The following CRYBG3 variants were observed in gnomAD, a reference collection of about 807,000 sequenced individuals.
CRYBG3 encodes very large A-kinase anchor protein.
A neutral mutation model predicts 244.2 loss-of-function variants in CRYBG3; 127 were observed. That is an observed-to-expected ratio of 0.52 (90% CI 0.45 to 0.60). The LOEUF is 0.60. Among genes scored for constraint, CRYBG3 ranks in the 20% least tolerant of loss-of-function variants. The probability of loss-of-function intolerance (pLI) is 0.00; values close to 1 mark genes in which losing one functional copy is unlikely to be tolerated. For missense variants in CRYBG3, 3,325 were observed against 3,442.5 expected, an observed-to-expected ratio of 0.97 and a Z score of 0.85; for synonymous variants, 1,132 against 1,195.8, an observed-to-expected ratio of 0.95 and a Z score of 1.10.
intron 1 of CRYBG3, among the ~76,000 whole-genome samples, chr3:97,836,070 A>ATT (rs754615733): frequency 7.5e-4 from 114 of 152,014 alleles, no homozygotes; most frequent in Non-Finnish European, 1.5e-3. Context: ...TATGGGTCTT[A>ATT]TTTTGGGGGC....
chr3:97,824,279 T>A (rs1226721162), intron 1 of CRYBG3, among the ~76,000 whole-genome samples: 1 of 152,214 alleles, frequency 6.6e-6, no homozygotes, highest in Non-Finnish European at 1.5e-5. Flanking sequence ...GTCACTGTGA[T>A]CTTATTTCAA....
chr3:97,897,342 T>C (rs1019732572), intron 12 of CRYBG3, among the ~76,000 whole-genome samples: 3 of 152,078 alleles, frequency 2.0e-5, no homozygotes, highest in Non-Finnish European at 4.4e-5. Flanking sequence ...TTAAGACTTA[T>C]CTTTGGGCCT....
intron 17 of CRYBG3, among the ~76,000 whole-genome samples, chr3:97,930,221 G>T (rs2040083129): frequency 6.6e-6 from 1 of 151,996 alleles, no homozygotes; most frequent in South Asian, 2.1e-4. Context: ...GCTGCTGATT[G>T]TTGACTTGGA....
chr3:97,846,725 A>T (rs772094799), intron 2 of CRYBG3, among the ~76,000 whole-genome samples: 11 of 152,160 alleles, frequency 7.2e-5, no homozygotes, highest in African/African-American at 2.6e-4. Flanking sequence ...TTCAAATCCT[A>T]AGTCATTTCA....
intron 11 of CRYBG3, 30 bp downstream of exon 11, chr3:97,893,023 A>G: frequency 6.3e-7 from 1 of 1,578,560 alleles, no homozygotes; most frequent in African/African-American, 1.4e-5. Flanking sequence ...CATTTGCACA[A>G]GTAGTCTGTT....
chr3:97,844,762 T>G (rs2038874306), intron 2 of CRYBG3, among the ~76,000 whole-genome samples: 1 of 152,198 alleles, frequency 6.6e-6, no homozygotes, highest in Non-Finnish European at 1.5e-5. Context: ...GTAAATATAT[T>G]TGGCAAATAG....
rs1338557137 is a variant in CRYBG3 at position 97,876,890 on chromosome 3, A to T, written c.5696A>T (p.Tyr1899Phe). The change falls in exon 4 of 22, where the codon TAT (tyrosine) becomes TTT (phenylalanine). Residue 1899 changes from tyrosine to phenylalanine, a missense_variant. By Grantham distance (22) the Tyr-to-Phe change is conservative. Coordinates refer to ENST00000389622, the MANE Select transcript of CRYBG3 (RefSeq NM_153605.4). ...PAFESKTPQEYAEGSVEETKE... is the reference protein window; with the variant it reads ...PAFESKTPQEFAEGSVEETKE... Reference sequence around the variant, plus strand: ...TTTGAAAGTAAAACACCACAAGAGTATGCTGAAGGGAGTGTTGAAGAAACA... The same window carrying T: ...TTTGAAAGTAAAACACCACAAGAGTTTGCTGAAGGGAGTGTTGAAGAAACA... 3 of 1,430,760 alleles carry T rather than the reference A, an allele frequency of 2.1e-6. No individual in the cohort carries two copies. Among genetic ancestry groups the T allele is most frequent in the Non-Finnish European group, 9.2e-7 (1 of 1,092,282 alleles). 88.6% of individuals were successfully genotyped at this position (1,430,760 alleles called of 1,614,324 possible). A position where few individuals can be genotyped will look rare whatever the true frequency, so the allele number is the denominator to read the frequency against.
intron 15 of CRYBG3, among the ~76,000 whole-genome samples, chr3:97,904,476 A>T (rs934723729): frequency 6.6e-6 from 1 of 152,116 alleles, no homozygotes; most frequent in Non-Finnish European, 1.5e-5. Context: ...GGAGGTGGCT[A>T]CTGTATATAC....
chr3:97,856,970 AG>A (rs2039074718), intron 2 of CRYBG3, among the ~76,000 whole-genome samples: 1 of 151,658 alleles, frequency 6.6e-6, no homozygotes, highest in Non-Finnish European at 1.5e-5. Context: ...TAGTTTCTTG[AG>A]GTGTACTGTT....
chr3:97,933,118 G>A (rs1452479079), intron 17 of CRYBG3: 2 of 454,404 alleles, frequency 4.4e-6, no homozygotes, highest in African/African-American at 4.0e-5. Flanking sequence ...ATTAATGAAT[G>A]AAAAAGCAAT....
At chr3:97,892,722 T>C (rs1009686147) in intron 10 of CRYBG3, 138 bp from the exon 11 acceptor site, 11 of 513,396 alleles carry the variant, frequency 2.1e-5, no homozygotes, top group African/African-American at 1.8e-4. Context: ...AATACACCTT[T>C]TCCATGAACT....
Position 97,872,079 on chromosome 3 carries a change from T to A in CRYBG3, c.885T>A (p.Asn295Lys). The A allele has an allele frequency of 6.5e-7, 1 of 1,535,792 alleles. No individual in the cohort carries two copies. Among genetic ancestry groups the A allele is most frequent in the Non-Finnish European group, 8.7e-7 (1 of 1,146,780 alleles). ...SASTDSSMKG[N>K]LLEGPLEDSD... ...GTACAGACTCATCTATGAAAGGAAA[T>A]CTACTTGAAGGCCCATTAGAAGACT... The change falls in exon 4 of 22, where the codon AAT (asparagine) becomes AAA (lysine). Residue 295 changes from asparagine to lysine, a missense_variant. By Grantham distance (94) the Asn-to-Lys change is moderately conservative. Transcript: ENST00000389622.
intron 15 of CRYBG3, among the ~76,000 whole-genome samples, chr3:97,909,398 AT>A (rs1465372215): frequency 2.7e-5 from 4 of 149,224 alleles, no homozygotes; most frequent in African/African-American, 1.0e-4. Context: ...TCAGACATAG[AT>A]TTGGTCTTTT....
chr3:97,904,923 A>AT (rs1285819962), intron 15 of CRYBG3, among the ~76,000 whole-genome samples: 1 of 126,974 alleles, frequency 7.9e-6, no homozygotes, highest in Non-Finnish European at 1.6e-5. Flanking sequence ...AGAGTGTGAT[A>AT]TTCCCCTTCC....
In CRYBG3 at chr3:97,855,195, T is replaced by C. The variant is rs1116600; in HGVS notation, c.217-9022T>C. ...CATCATTGGGATAAATTCAACTTAA[T>C]TATGGTATATAATCTTTTTTATGTG... On this transcript the variant is annotated intron_variant, in intron 2 of 21. Coordinates refer to ENST00000389622, the MANE Select transcript of CRYBG3 (RefSeq NM_153605.4). Among the ~76,000 whole-genome samples, 73 of 152,308 alleles carry C rather than the reference T, an allele frequency of 4.8e-4. 1 individual carries two copies. In the South Asian group the frequency reaches 0.014, roughly 29 times the overall value.
At chr3:97,848,019 C>T (rs964900651) in intron 2 of CRYBG3, among the ~76,000 whole-genome samples, 1 of 152,158 alleles carries the variant, frequency 6.6e-6, no homozygotes, top group Non-Finnish European at 1.5e-5. Flanking sequence ...AAGACTATTT[C>T]ACTGAGGAAG....
In CRYBG3 at chr3:97,871,878, A is replaced by G; in HGVS notation, c.684A>G (p.Thr228=). The G allele has an allele frequency of 6.6e-7, 1 of 1,525,702 alleles. No homozygotes were observed. The highest frequency in any genetic ancestry group is 8.7e-7 in the Non-Finnish European group (1 of 1,143,774). The allele number at this position is 1,525,702 out of a possible 1,614,324, so 94.5% of individuals were successfully genotyped here. A position where few individuals can be genotyped will look rare whatever the true frequency, so the allele number is the denominator to read the frequency against. The change falls in exon 4 of 22, where the codon ACA becomes ACG. Residue 228 remains threonine (T), a synonymous_variant. Coordinates refer to ENST00000389622, the MANE Select transcript of CRYBG3 (RefSeq NM_153605.4). ...GTAAACCAGAGAAGCCTTCAGTAACATATGCAACATATCGAGGCCCAAGAC... is the reference window on the plus strand; with the variant it reads ...GTAAACCAGAGAAGCCTTCAGTAACGTATGCAACATATCGAGGCCCAAGAC... ...IDGKPEKPSV[T]YATYRGPRHI...
At chr3:97,918,353 T>C (rs763256939) in intron 17 of CRYBG3, among the ~76,000 whole-genome samples, 2 of 152,204 alleles carry the variant, frequency 1.3e-5, no homozygotes, top group Non-Finnish European at 2.9e-5. Context: ...TAGTTTGCAG[T>C]GTTGCAGTCA....
chr3:97,905,396 C>G (rs1395165847), intron 15 of CRYBG3, among the ~76,000 whole-genome samples: 8 of 151,790 alleles, frequency 5.3e-5, no homozygotes, highest in Non-Finnish European at 1.2e-4. Flanking sequence ...CACATCCTCT[C>G]CAGCACCTGT....
Sources: allele counts gnomAD v4.1 joint callset (sites outside exome capture counted in the v4.1 genomes callset), GRCh38; gene constraint gnomAD v4.1.1; transcripts MANE v1.5; gene names NCBI Gene and HGNC (gene_info 2026-07-23, HGNC 2026-07-21).